GMPR: variants seen among roughly 807,000 people sequenced by gnomAD.
The protein encoded by GMPR is GMP reductase 1.
Under a neutral mutation model 38.4 loss-of-function variants are expected in GMPR, and 31 were observed. The observed-to-expected ratio is 0.81, with a 90% CI of 0.61 to 1.09. The LOEUF is 1.09. GMPR is among the 50% of genes least tolerant of loss of function. The pLI, the probability that GMPR is intolerant of heterozygous loss-of-function variation, is 0.00. For synonymous variants in GMPR, 162 were observed against 173.3 expected (o/e 0.93, Z 0.51); for missense variants, 468 against 453.7 (o/e 1.03, Z -0.29).
In GMPR at chr6:16,246,878, A is replaced by G. The variant is rs1345729176; in HGVS notation, c.124A>G (p.Lys42Glu). 1 of 1,613,624 alleles carries G rather than the reference A, an allele frequency of 6.2e-7. No individual in the cohort carries two copies. Among genetic ancestry groups the G allele is most frequent in the Non-Finnish European group, 8.5e-7 (1 of 1,179,612 alleles). The change falls in exon 2 of 9, where the codon AAG becomes GAG. Residue 42 changes from lysine to glutamate, a missense_variant. Coordinates refer to ENST00000259727, the MANE Select transcript of GMPR (RefSeq NM_006877.4). ...LERTFTFRNS[K>E]QTYSGIPIIV... is the part of the protein sequence containing the mutation. Reference sequence around the variant, plus strand: ...ACGCACCTTCACGTTTCGAAATTCAAAGCAGACCTACTCAGGGATTCCCAT... The same window carrying G: ...ACGCACCTTCACGTTTCGAAATTCAGAGCAGACCTACTCAGGGATTCCCAT...
chr6:16,242,444 T>G lies in GMPR; in HGVS notation c.87+3664T>G, dbSNP rs372463420. Among the ~76,000 whole-genome samples, 4 of 152,196 alleles carry G rather than the reference T, an allele frequency of 2.6e-5. No homozygotes were observed. The South Asian group carries it at 8.3e-4, about 32-fold the overall frequency. On this transcript the variant is annotated intron_variant, in intron 1 of 8. Transcript: ENST00000259727. Reference sequence around the variant, plus strand: ...ACAAGAATTTATTATCTTACAGTTCTGGAAGGTAGCAGTCCCAGTCCAAGA... The same window carrying G: ...ACAAGAATTTATTATCTTACAGTTCGGGAAGGTAGCAGTCCCAGTCCAAGA...
chr6:16,277,140 C>T (rs113640525), intron 5 of GMPR, among the ~76,000 whole-genome samples: 5 of 152,158 alleles, frequency 3.3e-5, no homozygotes, highest in African/African-American at 7.2e-5. Flanking sequence ...GGGGGGAAGG[C>T]GCCTTCGTGG....
At chr6:16,247,079 T>C (rs1758772442) in intron 2 of GMPR, 118 bp downstream of exon 2, 3 of 898,006 alleles carry the variant, frequency 3.3e-6, no homozygotes, top group Non-Finnish European at 3.3e-6. Flanking sequence ...CTGCTTTGGG[T>C]CATTCTCTGT....
At chr6:16,279,230 T>G (rs1474376615) in intron 6 of GMPR, among the ~76,000 whole-genome samples, 1 of 152,104 alleles carries the variant, frequency 6.6e-6, no homozygotes, top group Non-Finnish European at 1.5e-5. Flanking sequence ...GTCTCACCAT[T>G]CTGGAGACGA....
In GMPR at chr6:16,295,102, C is replaced by T. The variant is rs74455575; in HGVS notation, c.954C>T (p.Tyr318=). ...ILGGLRSTCT[Y]VGAAKLKELS... is the part of the protein sequence containing the mutation. ...GGGGACTGAGGTCCACGTGCACCTA[C>T]GTGGGGGCCGCCAAACTCAAGGAGC... Residue 318 remains tyrosine (Y), a synonymous_variant, in exon 9 of 9, where the codon TAC becomes TAT. Transcript: ENST00000259727. 614 of 1,580,256 alleles carry T rather than the reference C, an allele frequency of 3.9e-4. 7 individuals carry two copies. In the African/African-American group the frequency reaches 7.2e-3, roughly 18 times the overall value.
chr6:16,290,774 C>T (rs1226107243), intron 8 of GMPR, among the ~76,000 whole-genome samples, 153 bp downstream of exon 8: 1 of 152,192 alleles, frequency 6.6e-6, no homozygotes, highest in East Asian at 1.9e-4. Flanking sequence ...ATCCAGTTAG[C>T]ATTTGCAGTG....
At chr6:16,252,321 G>A (rs187644020) in intron 3 of GMPR, among the ~76,000 whole-genome samples, 12 of 152,188 alleles carry the variant, frequency 7.9e-5, no homozygotes, top group East Asian at 5.8e-4. Context: ...GTGCAATGGC[G>A]TGATCTCTGC....
At chr6:16,242,209 G>A (rs968781344) in intron 1 of GMPR, among the ~76,000 whole-genome samples, 3 of 152,152 alleles carry the variant, frequency 2.0e-5, no homozygotes, top group Admixed American at 6.5e-5. Flanking sequence ...CAGCAGTCCC[G>A]TGAGAAGAGT....
intron 6 of GMPR, among the ~76,000 whole-genome samples, chr6:16,284,594 G>A (rs1477948032): frequency 6.6e-6 from 1 of 152,140 alleles, no homozygotes; most frequent in Admixed American, 6.5e-5. Context: ...CATGGCTTTC[G>A]TGACTGTCCC....
At chr6:16,290,360 G>A (rs982195802) in intron 7 of GMPR, 102 bp from the exon 8 acceptor site, 20 of 980,160 alleles carry the variant, frequency 2.0e-5, no homozygotes, top group Non-Finnish European at 2.9e-5. Flanking sequence ...ATAGCTGGGC[G>A]GGGAGGGAGG....
intron 4 of GMPR, among the ~76,000 whole-genome samples, chr6:16,267,321 G>A (rs1759272628): frequency 6.6e-6 from 1 of 151,980 alleles, no homozygotes; most frequent in Admixed American, 6.5e-5. Context: ...GCAGTGAGCC[G>A]AGATCGCGCC....
In GMPR at chr6:16,246,827, T is replaced by C; in HGVS notation, c.88-15T>C. The C allele has an allele frequency of 1.2e-6, 2 of 1,606,662 alleles. No homozygotes were observed. Among genetic ancestry groups the C allele is most frequent in the Non-Finnish European group, 1.7e-6 (2 of 1,177,616 alleles). On this transcript the variant is annotated splice_polypyrimidine_tract_variant and intron_variant, in intron 1 of 8. Transcript: ENST00000259727. ...CATTTCTTTCCCTTTTTCTTTCTTTTTTTTTGGCCAACAGGTGGATCTTGA... is the reference window on the plus strand; with the variant it reads ...CATTTCTTTCCCTTTTTCTTTCTTTCTTTTTGGCCAACAGGTGGATCTTGA...
chr6:16,289,027 G>T (rs1442185561), intron 7 of GMPR, among the ~76,000 whole-genome samples: 1 of 152,236 alleles, frequency 6.6e-6, no homozygotes, highest in Non-Finnish European at 1.5e-5. Flanking sequence ...GGCTGCCGGA[G>T]CCAGCAGTGG....
At chr6:16,247,274 CAG>C (rs1758775754) in intron 2 of GMPR, among the ~76,000 whole-genome samples, 1 of 152,248 alleles carries the variant, frequency 6.6e-6, no homozygotes, top group South Asian at 2.1e-4. Flanking sequence ...AAAATTAAGA[CAG>C]AGCTGCTTTG....
At chr6:16,246,275 C>T (rs1758753999) in intron 1 of GMPR, among the ~76,000 whole-genome samples, 1 of 152,192 alleles carries the variant, frequency 6.6e-6, no homozygotes, top group Non-Finnish European at 1.5e-5. Flanking sequence ...CCTCCCCACC[C>T]AGCTGCTTGC....
chr6:16,290,706 G>C, intron 8 of GMPR, 85 bp downstream of exon 8: 1 of 1,149,584 alleles, frequency 8.7e-7, no homozygotes, highest in Non-Finnish European at 1.3e-6. Flanking sequence ...CTGAATAGCA[G>C]CTCTGTGTAT....
intron 7 of GMPR, among the ~76,000 whole-genome samples, chr6:16,288,563 C>T (rs1436401588): frequency 1.3e-5 from 2 of 152,280 alleles, no homozygotes; most frequent in East Asian, 1.9e-4. Context: ...TCCTGTGCGG[C>T]GGGAGCCTCC....
chr6:16,287,989 C>T (rs554954410), intron 7 of GMPR, among the ~76,000 whole-genome samples: 1 of 152,370 alleles, frequency 6.6e-6, no homozygotes, highest in East Asian at 1.9e-4. Flanking sequence ...TCCCCTCCTC[C>T]TTCATCCTAT....
chr6:16,294,609 G>A (rs1422552853), intron 8 of GMPR, among the ~76,000 whole-genome samples: 1 of 152,200 alleles, frequency 6.6e-6, no homozygotes, highest in Non-Finnish European at 1.5e-5. Flanking sequence ...GCTCCTGGTT[G>A]TTGGGAAGTT....
Sources: gnomAD v4.1 joint callset for allele counts (sites outside exome capture counted in the v4.1 genomes callset) on GRCh38, gnomAD v4.1.1 for gene constraint, MANE v1.5 for transcripts, NCBI Gene and HGNC (gene_info 2026-07-23, HGNC 2026-07-21) for gene names.